WDR72: variants seen among roughly 807,000 people sequenced by gnomAD.
WDR72 encodes WD repeat-containing protein 72.
WDR72 carries 120 observed loss-of-function variants against 124.2 expected under a neutral mutation model. That is an observed-to-expected ratio of 0.97 (90% CI 0.83 to 1.12). The LOEUF is 1.12. Among genes scored for constraint, WDR72 ranks in the 50% most tolerant of loss-of-function variants. The pLI, the probability that WDR72 is intolerant of heterozygous loss-of-function variation, is 0.00. For missense variants in WDR72, 1,387 were observed against 1,278.8 expected (o/e 1.08, Z -1.29); for synonymous variants, 452 against 441.7 (o/e 1.02, Z -0.29).
chr15:53,679,351 T>G (rs551954470), intron 13 of WDR72, among the ~76,000 whole-genome samples: 104 of 152,302 alleles, frequency 6.8e-4, no homozygotes, highest in Non-Finnish European at 5.3e-4. Context: ...TGTTTATATT[T>G]TACCACAATC....
chr15:53,739,602 A>C (rs575948466), intron 1 of WDR72, among the ~76,000 whole-genome samples: 98 of 152,180 alleles, frequency 6.4e-4, no homozygotes, highest in African/African-American at 2.1e-3. Context: ...ATACAAGTGA[A>C]GACTGCAAAG....
chr15:53,644,971 C>T (rs2014991120), intron 14 of WDR72, among the ~76,000 whole-genome samples: 1 of 152,136 alleles, frequency 6.6e-6, no homozygotes, highest in Admixed American at 6.5e-5. Context: ...CTTTCTCTCA[C>T]CACTGCAGGG....
chr15:53,704,826 A>AAAC (rs1555425978), intron 11 of WDR72, among the ~76,000 whole-genome samples, 162 bp downstream of exon 11: 2 of 151,118 alleles, frequency 1.3e-5, no homozygotes, highest in Non-Finnish European at 2.9e-5. Context: ...TAAAAAAAAA[A>AAAC]AAAAAACCTA....
intron 13 of WDR72, among the ~76,000 whole-genome samples, chr15:53,677,111 G>A (rs1009219301): frequency 7.2e-5 from 11 of 151,746 alleles, no homozygotes; most frequent in African/African-American, 2.4e-4. Context: ...TAGTAGAGAC[G>A]GGGTTTCACT....
At chr15:53,623,820 C>G (rs1228458579) in intron 14 of WDR72, among the ~76,000 whole-genome samples, 1 of 152,020 alleles carries the variant, frequency 6.6e-6, no homozygotes, top group Non-Finnish European at 1.5e-5. Context: ...ATAAGTATTC[C>G]CTGTTTTCTG....
intron 13 of WDR72, among the ~76,000 whole-genome samples, chr15:53,691,784 C>A (rs1261364781): frequency 6.6e-6 from 1 of 152,152 alleles, no homozygotes; most frequent in African/African-American, 2.4e-5. Flanking sequence ...AACTAGGGCT[C>A]TGGTCAATTT....
intron 14 of WDR72, among the ~76,000 whole-genome samples, chr15:53,640,511 C>T (rs1234854261): frequency 6.6e-6 from 1 of 152,126 alleles, no homozygotes; most frequent in Non-Finnish European, 1.5e-5. Context: ...TAGCATTTTT[C>T]CATTCTTTTT....
Position 53,661,093 on chromosome 15 carries a change from C to T in WDR72, c.1962+4479G>A, listed in dbSNP as rs989041010. Among the ~76,000 whole-genome samples the T allele has an allele frequency of 2.6e-5, 4 of 152,110 alleles. No homozygotes were observed. In the East Asian group the frequency reaches 5.8e-4, roughly 22 times the overall value. ...CCCTTGTTGAAGAATTGTCTATGGTCGCTTCTGTGCTCCTAAAGCAGAGTT... is the reference window on the plus strand; with the variant it reads ...CCCTTGTTGAAGAATTGTCTATGGTTGCTTCTGTGCTCCTAAAGCAGAGTT... On this transcript the variant is annotated intron_variant, in intron 14 of 19. Coordinates refer to ENST00000360509, the MANE Select transcript of WDR72 (RefSeq NM_182758.4).
chr15:53,654,445 T>A (rs145759684), intron 14 of WDR72, among the ~76,000 whole-genome samples: 4 of 152,222 alleles, frequency 2.6e-5, no homozygotes, highest in African/African-American at 9.6e-5. Flanking sequence ...GTTACAAAAC[T>A]GAAGTCTGAT....
At chr15:53,678,868 A>G (rs1006338031) in intron 13 of WDR72, among the ~76,000 whole-genome samples, 1 of 152,262 alleles carries the variant, frequency 6.6e-6, no homozygotes, top group Non-Finnish European at 1.5e-5. Context: ...TGTTCACAGC[A>G]GCATTATTCA....
intron 14 of WDR72, among the ~76,000 whole-genome samples, chr15:53,664,000 C>A (rs920390355): frequency 6.6e-6 from 1 of 152,004 alleles, no homozygotes; most frequent in African/African-American, 2.4e-5. Context: ...GTCACCTAAT[C>A]ACCGGTTTCA....
intron 18 of WDR72, among the ~76,000 whole-genome samples, chr15:53,526,068 A>G (rs1892094743): frequency 6.6e-6 from 1 of 152,164 alleles, no homozygotes; most frequent in East Asian, 1.9e-4. Context: ...TCTCTAATGA[A>G]TCACTTCAAT....
intron 18 of WDR72, among the ~76,000 whole-genome samples, chr15:53,583,153 TATC>T (rs1462959432): frequency 6.6e-6 from 1 of 152,010 alleles, no homozygotes; most frequent in Non-Finnish European, 1.5e-5. Flanking sequence ...CAACAAGTTG[TATC>T]ATCATAGTAA....
intron 14 of WDR72, among the ~76,000 whole-genome samples, chr15:53,623,573 G>T (rs1263122283): frequency 6.6e-6 from 1 of 151,748 alleles, no homozygotes; most frequent in African/African-American, 2.4e-5. Flanking sequence ...GCGCACCTAG[G>T]TTGATTCCAT....
chr15:53,570,783 T>G (rs1259147756), intron 18 of WDR72, among the ~76,000 whole-genome samples: 1 of 152,126 alleles, frequency 6.6e-6, no homozygotes, highest in Non-Finnish European at 1.5e-5. Flanking sequence ...CCTGCACTCA[T>G]GTTTATCACA....
intron 13 of WDR72, among the ~76,000 whole-genome samples, chr15:53,671,507 T>C (rs1301568747): frequency 6.6e-6 from 1 of 152,240 alleles, no homozygotes; most frequent in Non-Finnish European, 1.5e-5. Context: ...ACAAAGCAGG[T>C]CTTTCTAAAT....
At chr15:53,555,260 T>A (rs939216612) in intron 18 of WDR72, among the ~76,000 whole-genome samples, 18 of 150,048 alleles carry the variant, frequency 1.2e-4, no homozygotes, top group African/African-American at 4.4e-4. Flanking sequence ...AAGGAAACTG[T>A]GCACCAACTC....
At chr15:53,542,559 T>C (rs1394878778) in intron 18 of WDR72, among the ~76,000 whole-genome samples, 1 of 33,844 alleles carries the variant, frequency 3.0e-5, no homozygotes, top group Non-Finnish European at 5.4e-5. Context: ...GTAAAGACCA[T>C]CGAGACTAGG....
At chr15:53,732,120 G>A (rs1455916710) in intron 2 of WDR72, among the ~76,000 whole-genome samples, 2 of 152,112 alleles carry the variant, frequency 1.3e-5, no homozygotes, top group Admixed American at 6.6e-5. Context: ...CTTCAAGAAC[G>A]TTCATTAACA....
Sources: gnomAD v4.1 joint callset for allele counts (sites outside exome capture counted in the v4.1 genomes callset) on GRCh38, gnomAD v4.1.1 for gene constraint, MANE v1.5 for transcripts, NCBI Gene and HGNC (gene_info 2026-07-23, HGNC 2026-07-21) for gene names.